The following OSTN variants were observed in gnomAD, a reference collection of about 807,000 sequenced individuals.
OSTN encodes the protein osteocrin.
Under a neutral mutation model 12.0 loss-of-function variants are expected in OSTN, and 9 were observed. The ratio of observed to expected loss-of-function variants is 0.75; its 90% CI spans 0.45 to 1.30. The LOEUF (loss-of-function observed/expected upper bound fraction) is 1.30. Among genes scored for constraint, OSTN ranks in the 50% most tolerant of loss-of-function variants. The probability of loss-of-function intolerance (pLI) is 0.00; values close to 1 mark genes in which losing one functional copy is unlikely to be tolerated. For synonymous variants in OSTN, 59 were observed against 56.9 expected, an observed-to-expected ratio of 1.04 and a Z score of -0.16; for missense variants, 148 against 152.3, an observed-to-expected ratio of 0.97 and a Z score of 0.15.
rs186091863 is a variant in OSTN at position 191,230,110 on chromosome 3, A to G, written c.317+11149A>G. Among the ~76,000 whole-genome samples, 14 of 151,024 alleles carry G rather than the reference A, an allele frequency of 9.3e-5. No individual in the cohort carries two copies. The East Asian group carries it at 1.4e-3, about 15-fold the overall frequency. ...TAAATAAATAAATAAATAACTTAGG[A>G]TATTTTTTCAATACTTTTCAAGAAA... On this transcript the variant is annotated intron_variant, in intron 3 of 4. Coordinates refer to ENST00000682035, the MANE Select transcript of OSTN (RefSeq NM_198184.2).
intron 3 of OSTN, among the ~76,000 whole-genome samples, chr3:191,239,979 T>TTTTAC (rs898593336): frequency 1.3e-5 from 2 of 152,248 alleles, no homozygotes; most frequent in Admixed American, 6.5e-5. Context: ...GAAATTCAGA[T>TTTTAC]GTAAAGACAC....
chr3:191,210,591 G>A (rs1714394559), intron 1 of OSTN, among the ~76,000 whole-genome samples: 2 of 152,178 alleles, frequency 1.3e-5, no homozygotes, highest in South Asian at 4.1e-4. Flanking sequence ...TGAAGCTTAA[G>A]TAGGGTAAAA....
chr3:191,237,505 C>CA (rs780172575), intron 3 of OSTN, among the ~76,000 whole-genome samples: 9 of 152,270 alleles, frequency 5.9e-5, no homozygotes, highest in East Asian at 5.8e-4. Context: ...GGAAGAAGGC[C>CA]AAGCAGGCAT....
At chr3:191,234,551 G>C (rs1337871372) in intron 3 of OSTN, 1 of 152,176 alleles carries the variant, frequency 6.6e-6, no homozygotes, top group Admixed American at 6.6e-5. Flanking sequence ...ATAAAAATTA[G>C]CTGGGTGTGG....
intron 1 of OSTN, among the ~76,000 whole-genome samples, chr3:191,201,191 T>C (rs970926789): frequency 1.3e-5 from 2 of 152,116 alleles, no homozygotes; most frequent in Non-Finnish European, 2.9e-5. Flanking sequence ...TTCTTCCTTA[T>C]TGCCACTCCA....
intron 3 of OSTN, among the ~76,000 whole-genome samples, chr3:191,230,804 A>G (rs371997847): frequency 1.3e-5 from 2 of 152,180 alleles, no homozygotes; most frequent in African/African-American, 2.4e-5. Flanking sequence ...GTTTCATCCA[A>G]TGCTGTATAA....
chr3:191,234,900 T>C (rs1265508124), intron 3 of OSTN, among the ~76,000 whole-genome samples: 4 of 152,030 alleles, frequency 2.6e-5, no homozygotes, highest in Non-Finnish European at 4.4e-5. Flanking sequence ...GGAACATTTA[T>C]ATGTTCCAAA....
chr3:191,207,749 G>A (rs989638026), intron 1 of OSTN, among the ~76,000 whole-genome samples: 3 of 152,066 alleles, frequency 2.0e-5, no homozygotes, highest in African/African-American at 7.2e-5. Context: ...AGCCTTTAAT[G>A]TGAATTGGAA....
intron 2 of OSTN, among the ~76,000 whole-genome samples, chr3:191,215,928 G>A (rs1553818239): frequency 6.6e-6 from 1 of 152,122 alleles, no homozygotes; most frequent in Non-Finnish European, 1.5e-5. Flanking sequence ...GCTCTACTGG[G>A]CAGTACCACA....
At chr3:191,207,395 T>G (rs902456960) in intron 1 of OSTN, among the ~76,000 whole-genome samples, 7 of 152,250 alleles carry the variant, frequency 4.6e-5, no homozygotes, top group Non-Finnish European at 5.9e-5. Context: ...TTGTTTTTTT[T>G]TTGTTGTTCA....
chr3:191,243,073 T>C (rs1461331057), intron 3 of OSTN, among the ~76,000 whole-genome samples: 1 of 152,106 alleles, frequency 6.6e-6, no homozygotes, highest in Non-Finnish European at 1.5e-5. Context: ...ACATCATTAG[T>C]ATTCAGGGAA....
chr3:191,262,611 CTTT>C (rs1354736717), intron 4 of OSTN, among the ~76,000 whole-genome samples: 7 of 152,140 alleles, frequency 4.6e-5, no homozygotes, highest in African/African-American at 1.7e-4. Flanking sequence ...GTGAAAAAGA[CTTT>C]TTATAATTTT....
chr3:191,200,685 G>C (rs970783074), intron 1 of OSTN, among the ~76,000 whole-genome samples: 1 of 152,218 alleles, frequency 6.6e-6, no homozygotes, highest in East Asian at 1.9e-4. Context: ...GGGATACTGA[G>C]TATAAAAATA....
At chr3:191,256,960 CCA>C (rs1388057611) in intron 4 of OSTN, among the ~76,000 whole-genome samples, 3 of 151,982 alleles carry the variant, frequency 2.0e-5, no homozygotes, top group African/African-American at 7.2e-5. Context: ...GGCAAGAGGA[CCA>C]CTTTGAGCCC....
intron 4 of OSTN, among the ~76,000 whole-genome samples, chr3:191,251,095 T>G (rs192388397): frequency 6.6e-6 from 1 of 152,290 alleles, no homozygotes; most frequent in African/African-American, 2.4e-5. Context: ...TAGATACATA[T>G]TAAGCACTTA....
At chr3:191,218,655 T>G (rs1443949627) in intron 2 of OSTN, 92 bp from the exon 3 acceptor site, 2 of 982,824 alleles carry the variant, frequency 2.0e-6, no homozygotes, top group Admixed American at 4.8e-5. Flanking sequence ...ATGATGAGTA[T>G]GTCAGCTAAC....
chr3:191,224,992 G>A (rs1714874219), intron 3 of OSTN, among the ~76,000 whole-genome samples: 3 of 151,868 alleles, frequency 2.0e-5, no homozygotes, highest in African/African-American at 7.2e-5. Context: ...AATGATGAAA[G>A]CTGAAATCAG....
intron 4 of OSTN, among the ~76,000 whole-genome samples, chr3:191,256,167 A>C (rs1468315469): frequency 6.6e-6 from 1 of 152,102 alleles, no homozygotes; most frequent in Non-Finnish European, 1.5e-5. Context: ...TTATAATTAA[A>C]TACTACTGAT....
intron 3 of OSTN, among the ~76,000 whole-genome samples, chr3:191,241,167 C>CTTTGTTTTT (rs1715309594): frequency 2.2e-5 from 1 of 46,444 alleles, no homozygotes; most frequent in African/African-American, 5.3e-5. Context: ...TGTGCCTTGA[C>CTTTGTTTTT]TTTTTTTTTT....
Sources: allele counts gnomAD v4.1 joint callset (sites outside exome capture counted in the v4.1 genomes callset), GRCh38; gene constraint gnomAD v4.1.1; transcripts MANE v1.5; gene names NCBI Gene and HGNC (gene_info 2026-07-23, HGNC 2026-07-21).